The following SOX6 variants were observed in gnomAD, a reference collection of about 807,000 sequenced individuals.
The protein encoded by SOX6 is SRY-box transcription factor 6, also known as transcription factor SOX-6.
A neutral mutation model predicts 97.8 loss-of-function variants in SOX6; 11 were observed. The ratio of observed to expected loss-of-function variants is 0.11; its 90% CI spans 0.07 to 0.19. SOX6 has a LOEUF of 0.19. Among genes scored for constraint, SOX6 ranks in the 10% least tolerant of loss-of-function variants. The probability of loss-of-function intolerance (pLI) is 1.00; values close to 1 mark genes in which losing one functional copy is unlikely to be tolerated. For missense variants in SOX6, 810 were observed against 1,039.5 expected (o/e 0.78, Z 3.04); for synonymous variants, 360 against 371.4 (o/e 0.97, Z 0.35).
intron 6 of SOX6, among the ~76,000 whole-genome samples, chr11:16,148,894 G>T (rs1427029750): frequency 6.6e-6 from 1 of 152,012 alleles, no homozygotes; most frequent in African/African-American, 2.4e-5. Flanking sequence ...TGGAAAACTT[G>T]TTTCTGGCAC....
chr11:16,465,390 T>C (rs1860010254), intron 1 of SOX6, among the ~76,000 whole-genome samples: 1 of 152,204 alleles, frequency 6.6e-6, no homozygotes, highest in African/African-American at 2.4e-5. Flanking sequence ...TATCAAAATA[T>C]GTGAGATCAA....
chr11:16,727,983 T>C (rs975531559), intron 2 of SOX6, among the ~76,000 whole-genome samples: 2 of 152,144 alleles, frequency 1.3e-5, no homozygotes, highest in Non-Finnish European at 2.9e-5. Flanking sequence ...GATATACATC[T>C]GGGTGGAGCC....
intron 6 of SOX6, among the ~76,000 whole-genome samples, chr11:16,152,567 G>A (rs1850485937): frequency 2.0e-5 from 3 of 152,132 alleles, no homozygotes; most frequent in African/African-American, 4.8e-5. Flanking sequence ...ACAGGCTACT[G>A]ATCTGAACTA....
intron 4 of SOX6, among the ~76,000 whole-genome samples, chr11:16,490,736 T>A (rs555082974): frequency 1.1e-4 from 17 of 152,170 alleles, no homozygotes; most frequent in African/African-American, 3.4e-4. Flanking sequence ...ATAAGAGAAG[T>A]CCATAACTGA....
intron 13 of SOX6, among the ~76,000 whole-genome samples, chr11:16,006,187 T>C (rs779143052): frequency 7.2e-5 from 11 of 152,206 alleles, no homozygotes; most frequent in South Asian, 6.2e-4. Context: ...ACATCCTCTC[T>C]GAAATAATAT....
intron 3 of SOX6, among the ~76,000 whole-genome samples, chr11:16,301,829 A>G (rs1445828492): frequency 6.6e-6 from 1 of 152,150 alleles, no homozygotes; most frequent in Admixed American, 6.5e-5. Context: ...AAAGGAGCCA[A>G]TATCTCTTCT....
chr11:16,164,713 C>T (rs1443450062), intron 6 of SOX6, among the ~76,000 whole-genome samples: 1 of 151,652 alleles, frequency 6.6e-6, no homozygotes. Context: ...ATCCCAGCTA[C>T]TTGGGAGGCT....
intron 4 of SOX6, among the ~76,000 whole-genome samples, chr11:16,207,015 T>A (rs887893703): frequency 6.6e-6 from 1 of 152,092 alleles, no homozygotes; most frequent in Admixed American, 6.5e-5. Flanking sequence ...ACTTTTGACA[T>A]CCAAATTTAG....
chr11:15,997,856 G>C (rs1381960735), intron 13 of SOX6, among the ~76,000 whole-genome samples: 1 of 152,122 alleles, frequency 6.6e-6, no homozygotes, highest in Admixed American at 6.5e-5. Context: ...GCTGAGGTGG[G>C]CGGATCACGA....
At chr11:16,475,649 T>C (rs542538108) in intron 1 of SOX6, among the ~76,000 whole-genome samples, 1 of 152,206 alleles carries the variant, frequency 6.6e-6, no homozygotes, top group East Asian at 1.9e-4. Context: ...TAGATCGTCA[T>C]AACAGACATA....
At position 16,249,076 on chromosome 11, in the gene SOX6, C is replaced by T. The variant is rs574225075; in HGVS notation, c.446-14405G>A. Among the ~76,000 whole-genome samples the T allele has an allele frequency of 8.9e-5, 13 of 145,830 alleles. No individual in the cohort carries two copies. The South Asian group carries it at 1.1e-3, about 12-fold the overall frequency. On this transcript the variant is annotated intron_variant, in intron 3 of 15. Transcript: ENST00000683767. ...AGATCGCACCACTGCACTCCAGCTT[C>T]GGCAACAGAGGCTCTGTCTCAAAAA...
intron 4 of SOX6, among the ~76,000 whole-genome samples, chr11:16,602,440 T>C (rs1848281689): frequency 1.3e-5 from 2 of 152,194 alleles, no homozygotes; most frequent in African/African-American, 4.8e-5. Context: ...ATTTGTTTTT[T>C]GGTTGTTTGC....
chr11:16,370,682 C>T (rs999683457), intron 1 of SOX6, among the ~76,000 whole-genome samples: 53 of 152,086 alleles, frequency 3.5e-4, no homozygotes, highest in African/African-American at 1.2e-3. Flanking sequence ...CCCTCTAAAC[C>T]CTGTACCTTC....
intron 9 of SOX6, among the ~76,000 whole-genome samples, chr11:16,062,188 T>C (rs531446838): frequency 6.6e-6 from 1 of 151,678 alleles, no homozygotes; most frequent in East Asian, 1.9e-4. Context: ...AACTAATGAG[T>C]AGTAACATTT....
chr11:16,398,060 T>C (rs1478752819), intron 1 of SOX6, among the ~76,000 whole-genome samples: 1 of 151,498 alleles, frequency 6.6e-6, no homozygotes. Context: ...TTTCTGCAAA[T>C]GCAATCTATA....
Position 16,530,680 on chromosome 11 carries a change from G to A in SOX6, n.610-54292C>T, listed in dbSNP as rs772410721. ...CAGAACTAATAGGAAATATTCCTGC[G>A]AAGAAATATCCCAGCTCCACACTGA... On this transcript the variant is annotated intron_variant and non_coding_transcript_variant, in intron 4 of 5. Coordinates refer to the SOX6 transcript ENST00000524520. Among the ~76,000 whole-genome samples the A allele has an allele frequency of 4.6e-5, 7 of 152,040 alleles. No individual in the cohort carries two copies. The South Asian group carries it at 1.5e-3, about 32-fold the overall frequency.
At chr11:16,114,181 A>G (rs546916984) in intron 6 of SOX6, among the ~76,000 whole-genome samples, 1 of 152,216 alleles carries the variant, frequency 6.6e-6, no homozygotes, top group East Asian at 1.9e-4. Context: ...AAAAGTCAAC[A>G]TTAATACGAT....
At chr11:16,195,189 T>C (rs1851739197) in intron 4 of SOX6, among the ~76,000 whole-genome samples, 1 of 152,192 alleles carries the variant, frequency 6.6e-6, no homozygotes, top group Non-Finnish European at 1.5e-5. Context: ...GTTATCTTAA[T>C]CCTCATCCAA....
intron 7 of SOX6, among the ~76,000 whole-genome samples, chr11:16,110,859 G>A (rs755156260): frequency 9.9e-5 from 15 of 152,200 alleles, no homozygotes; most frequent in Middle Eastern, 3.4e-3. Context: ...ATATTAAAAC[G>A]CCTTTGTTCA....
Sources: gnomAD v4.1 joint callset for allele counts (sites outside exome capture counted in the v4.1 genomes callset) on GRCh38, gnomAD v4.1.1 for gene constraint, MANE v1.5 for transcripts, NCBI Gene and HGNC (gene_info 2026-07-23, HGNC 2026-07-21) for gene names.